Variants in SH2D3C observed in about 807,000 individuals in gnomAD.
SH2D3C encodes the protein SH2 domain containing 3C, also known as SH2 domain-containing protein 3C.
In SH2D3C, 25 loss-of-function variants were observed where a neutral mutation model predicts 75.2. That is an observed-to-expected ratio of 0.33 (90% CI 0.24 to 0.46). The LOEUF is 0.46. Ranked by LOEUF, SH2D3C falls within the 20% of genes least tolerant of loss-of-function variation. The pLI, the probability that SH2D3C is intolerant of heterozygous loss-of-function variation, is 1.00. For missense variants in SH2D3C, 933 were observed against 1,165.3 expected (o/e 0.80, Z 2.90); for synonymous variants, 450 against 473.7 (o/e 0.95, Z 0.65).
rs1221088387 is a variant in SH2D3C, at chr9:127,739,995, G to A, written c.2201-107C>T. The A allele has an allele frequency of 9.1e-7, 1 of 1,101,464 alleles. No homozygotes were observed. Among genetic ancestry groups the A allele is most frequent in the African/African-American group, 1.6e-5 (1 of 62,904 alleles). The allele number at this position is 1,101,464 out of a possible 1,614,324, so 68.2% of individuals were successfully genotyped here. On this transcript the variant is annotated intron_variant, in intron 10 of 11. Coordinates refer to ENST00000314830, the MANE Select transcript of SH2D3C (RefSeq NM_170600.3). This position sits in a 1 kb window ranked among gnomAD's most constrained non-coding sequence, Gnocchi z 4.3. ...AGGGAACGGGCCTGGCTGAGGTCCG[G>A]GAGAGAGCCCCAAGGGCTCCTGACT...
chr9:127,765,597 C>T (rs1588520111), intron 2 of SH2D3C, among the ~76,000 whole-genome samples: 2 of 152,176 alleles, frequency 1.3e-5, no homozygotes, highest in Admixed American at 1.3e-4. Context: ...CAAAGAGCTC[C>T]ACCCCCTGCA....
chr9:127,740,069 GC>G (rs1252404060), intron 10 of SH2D3C, among the ~76,000 whole-genome samples, 181 bp from the exon 11 acceptor site: 2 of 152,178 alleles, frequency 1.3e-5, no homozygotes, highest in Non-Finnish European at 2.9e-5. Flanking sequence ...ACCCACTGCA[GC>G]CCTGGCCCAG....
chr9:127,747,913 C>T (rs1476052467), intron 5 of SH2D3C, among the ~76,000 whole-genome samples: 1 of 152,140 alleles, frequency 6.6e-6, no homozygotes, highest in African/African-American at 2.4e-5. Context: ...TCCCCTCCCA[C>T]AAAGCTTAGA....
At chr9:127,755,073 C>A (rs1458228271) in intron 3 of SH2D3C, 164 of 1,200,034 alleles carry the variant, frequency 1.4e-4, no homozygotes, top group Non-Finnish European at 1.7e-4. Flanking sequence ...CGAGCCGCCC[C>A]CTCACCTGCA....
chr9:127,742,540 C>G (rs1457126817), intron 8 of SH2D3C: 2 of 294,512 alleles, frequency 6.8e-6, no homozygotes, highest in Non-Finnish European at 1.3e-5. Flanking sequence ...CCCGGCCAGG[C>G]AGAGCAGTTT....
chr9:127,754,908 G>A lies in SH2D3C; in HGVS notation c.556-3608C>T, dbSNP rs1010364661. 2.3e-5 allele frequency: 12 copies of A among 516,068 alleles called. No individual in the cohort carries two copies. The highest frequency in any genetic ancestry group is 1.2e-4 in the African/African-American group (6 of 50,664). The allele number at this position is 516,068 out of a possible 1,614,324, so 32.0% of individuals were successfully genotyped here. Reference sequence around the variant, plus strand: ...ACCCCGCGGAGCGCCTGGGCGCCCAGAGGTGAGGCTGGGGTGACCCCGCCC... The same window carrying A: ...ACCCCGCGGAGCGCCTGGGCGCCCAAAGGTGAGGCTGGGGTGACCCCGCCC... On this transcript the variant is annotated intron_variant, in intron 3 of 11. Transcript: ENST00000314830. The surrounding 1 kb of genome is among the most constrained non-coding windows in gnomAD (Gnocchi z 4.4).
intron 5 of SH2D3C, 38 bp from the exon 6 acceptor site, chr9:127,747,309 G>C (rs376610971): frequency 1.3e-6 from 2 of 1,592,870 alleles, no homozygotes; most frequent in Non-Finnish European, 1.7e-6. Flanking sequence ...GGAGCCCGGA[G>C]GTCAGGGGCC....
chr9:127,749,536 C>T lies in SH2D3C; in HGVS notation c.814G>A (p.Val272Met), dbSNP rs1845133896. The T allele has an allele frequency of 6.2e-7, 1 of 1,613,024 alleles. No individual in the cohort carries two copies. The highest frequency in any genetic ancestry group is 8.5e-7 in the Non-Finnish European group (1 of 1,179,592). ...ALHFKINKVV[V>M]KAGESYTHIQ... ...TGTGTGTAGCTCTCGCCTGCCTTCA[C>T]CACCACCTTGTTGATCTTGAAGTGC... Residue 272 changes from valine to methionine, a missense_variant, in exon 5 of 12, where the codon GTG becomes ATG. Physicochemically the swap from Val to Met is conservative, Grantham distance 21 (BLOSUM62 1). Coordinates refer to ENST00000314830, the MANE Select transcript of SH2D3C (RefSeq NM_170600.3). This position sits in a 1 kb window ranked among gnomAD's most constrained non-coding sequence, Gnocchi z 5.9.
In SH2D3C at chr9:127,774,350, G is replaced by T. The variant is rs150394069; in HGVS notation, c.155C>A (p.Ala52Asp). 1,294 of 1,613,708 alleles carry T rather than the reference G, an allele frequency of 8.0e-4. 9 individuals carry two copies. In the African/African-American group the frequency reaches 0.015, roughly 19 times the overall value. Residue 52 changes from alanine to aspartate, a missense_variant, in exon 2 of 12, where the codon GCC becomes GAC. Ala to Asp is a moderately radical substitution (Grantham distance 126). Transcript: ENST00000314830. This position sits in a 1 kb window ranked among gnomAD's most constrained non-coding sequence, Gnocchi z 4.3. The part of the protein sequence containing the change: ...QSHLEPDTFE[A>D]TQDDMVTVPK... ...CACCGTCACCATGTCATCCTGCGTG[G>T]CTTCAAAGGTGTCAGGCTCCAAATG...
rs1475450119 is a variant in SH2D3C at position 127,749,130 on chromosome 9, T to C, written c.1139+81A>G. On this transcript the variant is annotated intron_variant, in intron 5 of 11. Transcript: ENST00000314830. This position sits in a 1 kb window ranked among gnomAD's most constrained non-coding sequence, Gnocchi z 5.9. ...CTCCAGGAGAGTAATTTCATCCCAT[T>C]TCAGTGTACCTAGGCCTTCTCTTTC... 1.9e-6 allele frequency: 2 copies of C among 1,036,696 alleles called. No homozygotes were observed. Among genetic ancestry groups the C allele is most frequent in the African/African-American group, 3.2e-5 (2 of 62,678 alleles). The allele number at this position is 1,036,696 out of a possible 1,614,324, so 64.2% of individuals were successfully genotyped here. A position where few individuals can be genotyped will look rare whatever the true frequency, so the allele number is the denominator to read the frequency against.
chr9:127,778,291 A>AG (rs1442963024), intron 1 of SH2D3C, among the ~76,000 whole-genome samples: 2 of 126,304 alleles, frequency 1.6e-5, no homozygotes, highest in African/African-American at 3.9e-5. Context: ...GCACCTGGCC[A>AG]AAAAAAAAAA....
chr9:127,741,019 C>G (rs1218342798), intron 9 of SH2D3C, among the ~76,000 whole-genome samples: 2 of 152,080 alleles, frequency 1.3e-5, no homozygotes, highest in South Asian at 2.1e-4. Flanking sequence ...AGGCTCAGCT[C>G]TGAAGTCAGC....
intron 2 of SH2D3C, chr9:127,767,161 G>A (rs1340856597): frequency 6.5e-7 from 1 of 1,535,222 alleles, no homozygotes; most frequent in Admixed American, 2.0e-5. Flanking sequence ...TGTCCAGCAG[G>A]AGCTCAGGAC....
chr9:127,778,612 T>C lies in SH2D3C; in HGVS notation c.16A>G (p.Lys6Glu), dbSNP rs377346890. 3.7e-6 allele frequency: 6 copies of C among 1,614,026 alleles called. No individual in the cohort carries two copies. The highest frequency in any genetic ancestry group is 4.2e-6 in the Non-Finnish European group (5 of 1,179,880). MTEGT[K>E]KTSKKFKFFK... ...TCACTGAACTTTTTGCTGGTCTTCT[T>C]GGTCCCCTCTGTCATCTTGGCAAAT... The change falls in exon 1 of 12, where the codon AAG (lysine) becomes GAG (glutamate). Residue 6 changes from lysine to glutamate, a missense_variant. Physicochemically the swap from Lys to Glu is moderately conservative, Grantham distance 56 (BLOSUM62 1). Coordinates refer to ENST00000314830, the MANE Select transcript of SH2D3C (RefSeq NM_170600.3).
chr9:127,761,944 T>C (rs1290944971), intron 2 of SH2D3C, among the ~76,000 whole-genome samples: 1 of 152,200 alleles, frequency 6.6e-6, no homozygotes. Context: ...GAACATTACA[T>C]GCTTATTATG....
In SH2D3C at chr9:127,739,447, T is replaced by C. The variant is rs978487147; in HGVS notation, c.2407+235A>G. Reference sequence around the variant, plus strand: ...ATCGCTTGAACTTGGGAGGCGGAGGTTGCAGTGAGCCGAGACTGTGCCACT... The same window carrying C: ...ATCGCTTGAACTTGGGAGGCGGAGGCTGCAGTGAGCCGAGACTGTGCCACT... On this transcript the variant is annotated intron_variant, in intron 11 of 11. Transcript: ENST00000314830. The surrounding 1 kb of genome is among the most constrained non-coding windows in gnomAD (Gnocchi z 4.3). Among the ~76,000 whole-genome samples the C allele has an allele frequency of 2.0e-5, 3 of 151,276 alleles. No individual in the cohort carries two copies. Among genetic ancestry groups the C allele is most frequent in the Admixed American group, 1.3e-4 (2 of 15,240 alleles).
At chr9:127,761,587 CA>C (rs745353945) in intron 3 of SH2D3C, 23 bp downstream of exon 3, 8 of 1,592,882 alleles carry the variant, frequency 5.0e-6, no homozygotes, top group South Asian at 2.2e-5. Context: ...GTCCTCTGAC[CA>C]ACCCCTGGCC....
chr9:127,757,660 T>TATTATTATC (rs1554798698), intron 3 of SH2D3C, among the ~76,000 whole-genome samples: 25 of 147,036 alleles, frequency 1.7e-4, no homozygotes, highest in African/African-American at 6.3e-4. Context: ...TTATTATTAT[T>TATTATTATC]ATTATTATTT....
chr9:127,762,201 G>C (rs1845545178), intron 2 of SH2D3C: 1 of 1,193,882 alleles, frequency 8.4e-7, no homozygotes, highest in Admixed American at 3.7e-5. Flanking sequence ...GGTGCTAGAG[G>C]GCTACAGAAT....
Sources: gnomAD v4.1 joint callset for allele counts (sites outside exome capture counted in the v4.1 genomes callset) on GRCh38, gnomAD v4.1.1 for gene constraint, Gnocchi (gnomAD v3.1) non-coding constraint, MANE v1.5 for transcripts, NCBI Gene and HGNC (gene_info 2026-07-23, HGNC 2026-07-21) for gene names.